Variants in SCAI observed in about 807,000 individuals in gnomAD.
SCAI encodes protein SCAI.
A neutral mutation model predicts 92.2 loss-of-function variants in SCAI; 24 were observed. The ratio of observed to expected loss-of-function variants is 0.26; its 90% CI spans 0.19 to 0.37. SCAI has a LOEUF of 0.37. Ranked by LOEUF, SCAI falls within the 10% of genes least tolerant of loss-of-function variation. The pLI, the probability that SCAI is intolerant of heterozygous loss-of-function variation, is 1.00. For missense variants in SCAI, 450 were observed against 736.2 expected (o/e 0.61, Z 4.50); for synonymous variants, 261 against 258.6 (o/e 1.01, Z -0.09).
chr9:125,115,370 C>CA (rs58814200), intron 2 of SCAI, among the ~76,000 whole-genome samples: 24,973 of 51,548 alleles, frequency 0.48, 6,042 homozygotes, highest in Non-Finnish European at 0.52. Flanking sequence ...AGACTCTCCT[C>CA]AAAAAAAAAA....
chr9:125,015,294 G>A (rs1240117250), intron 9 of SCAI, among the ~76,000 whole-genome samples: 3 of 152,074 alleles, frequency 2.0e-5, no homozygotes, highest in Non-Finnish European at 4.4e-5. Context: ...CTGACAAAGG[G>A]CTAATATCCA....
intron 12 of SCAI, among the ~76,000 whole-genome samples, chr9:125,001,180 TCATTTCAA>T (rs1293662087): frequency 6.6e-6 from 1 of 152,028 alleles, no homozygotes; most frequent in Non-Finnish European, 1.5e-5. Context: ...AGATTTGTTT[TCATTTCAA>T]CATTTTAAGA....
intron 14 of SCAI, among the ~76,000 whole-genome samples, chr9:124,981,486 T>C (rs142933768): frequency 3.7e-4 from 57 of 152,348 alleles, no homozygotes; most frequent in African/African-American, 1.3e-3. Flanking sequence ...AACATACTTT[T>C]AGTGTTTCTC....
At chr9:125,003,703 G>A (rs148209749) in intron 9 of SCAI, 133 bp from the exon 10 acceptor site, 27 of 608,146 alleles carry the variant, frequency 4.4e-5, no homozygotes, top group African/African-American at 7.4e-5. Context: ...CTAATATTTC[G>A]TTACAGAAAT....
chr9:125,065,215 A>C (rs1006147667), intron 2 of SCAI, among the ~76,000 whole-genome samples: 1 of 151,960 alleles, frequency 6.6e-6, no homozygotes, highest in African/African-American at 2.4e-5. Context: ...CCCACGGGGG[A>C]AAAAAAACAA....
chr9:125,069,906 G>A (rs1297036062), intron 2 of SCAI, among the ~76,000 whole-genome samples: 3 of 152,106 alleles, frequency 2.0e-5, no homozygotes, highest in East Asian at 1.9e-4. Flanking sequence ...ACAGGCGTGA[G>A]CCACCGTGCC....
chr9:125,028,840 C>T (rs1833015037), intron 4 of SCAI, among the ~76,000 whole-genome samples: 1 of 152,064 alleles, frequency 6.6e-6, no homozygotes, highest in Non-Finnish European at 1.5e-5. Flanking sequence ...CTCTGTTGCC[C>T]AGGCTGGAGT....
At chr9:125,004,167 C>G (rs1588145168) in intron 9 of SCAI, among the ~76,000 whole-genome samples, 1 of 151,942 alleles carries the variant, frequency 6.6e-6, no homozygotes, top group Non-Finnish European at 1.5e-5. Context: ...CAGAGAAAGA[C>G]TCTGTCTCAA....
intron 2 of SCAI, among the ~76,000 whole-genome samples, chr9:125,129,372 C>T (rs903855614): frequency 2.8e-5 from 4 of 142,524 alleles, no homozygotes; most frequent in Non-Finnish European, 4.5e-5. Flanking sequence ...ACCCAGGGGG[C>T]GGAGGTTGCA....
chr9:125,098,130 C>G (rs1464571740), intron 2 of SCAI, among the ~76,000 whole-genome samples: 1 of 152,028 alleles, frequency 6.6e-6, no homozygotes, highest in Admixed American at 6.6e-5. Flanking sequence ...TCATAGCTCA[C>G]TGCAACCTCA....
chr9:125,092,762 C>T (rs1345270067), intron 2 of SCAI, among the ~76,000 whole-genome samples: 1 of 152,200 alleles, frequency 6.6e-6, no homozygotes, highest in Non-Finnish European at 1.5e-5. Flanking sequence ...CAATTTAAAA[C>T]TCTTCTTTCT....
At chr9:125,130,962 T>G (rs917289506) in intron 2 of SCAI, among the ~76,000 whole-genome samples, 6 of 145,536 alleles carry the variant, frequency 4.1e-5, no homozygotes, top group Admixed American at 3.4e-4. Flanking sequence ...TTTTTTTTTT[T>G]GGAGACAGAG....
chr9:125,125,041 CAA>C (rs909988038), intron 2 of SCAI, among the ~76,000 whole-genome samples: 1 of 151,836 alleles, frequency 6.6e-6, no homozygotes, highest in African/African-American at 2.4e-5. Context: ...GTCAACATGG[CAA>C]AACACCGTCT....
At chr9:124,986,073 C>T (rs994448687) in intron 14 of SCAI, among the ~76,000 whole-genome samples, 8 of 152,030 alleles carry the variant, frequency 5.3e-5, no homozygotes, top group Admixed American at 1.3e-4. Flanking sequence ...AGGCAGATCA[C>T]GACGTCAGGA....
At chr9:125,115,736 A>G (rs914642433) in intron 2 of SCAI, among the ~76,000 whole-genome samples, 5 of 152,234 alleles carry the variant, frequency 3.3e-5, no homozygotes, top group African/African-American at 1.2e-4. Context: ...AATTATGAAA[A>G]AAATGCAAAT....
At chr9:125,001,271 A>G (rs1472278207) in intron 12 of SCAI, among the ~76,000 whole-genome samples, 1 of 152,222 alleles carries the variant, frequency 6.6e-6, no homozygotes, top group East Asian at 1.9e-4. Context: ...CAACAAACAA[A>G]TGAAGAGGAA....
chr9:125,056,899 A>G (rs1033215908), intron 2 of SCAI, among the ~76,000 whole-genome samples: 10 of 152,240 alleles, frequency 6.6e-5, no homozygotes, highest in African/African-American at 2.2e-4. Context: ...ACACACACAC[A>G]TATACATACA....
chr9:124,959,531 T>TAC (rs1831396364), intron 17 of SCAI, among the ~76,000 whole-genome samples: 5 of 149,070 alleles, frequency 3.4e-5, no homozygotes, highest in Admixed American at 6.7e-5. Context: ...CACATATATA[T>TAC]ACACACATAT....
At chr9:125,125,459 T>C (rs1441746088) in intron 2 of SCAI, among the ~76,000 whole-genome samples, 1 of 150,830 alleles carries the variant, frequency 6.6e-6, no homozygotes, top group Non-Finnish European at 1.5e-5. Flanking sequence ...ACCCAAGAGG[T>C]GGAGGTTGCA....
Sources: gnomAD v4.1 joint callset for allele counts (sites outside exome capture counted in the v4.1 genomes callset) on GRCh38, gnomAD v4.1.1 for gene constraint, MANE v1.5 for transcripts, NCBI Gene and HGNC (gene_info 2026-07-23, HGNC 2026-07-21) for gene names.